CPNE9: variants seen among roughly 807,000 people sequenced by gnomAD.
CPNE9 encodes copine family member 9, also known as copine-9.
Under a neutral mutation model 83.0 loss-of-function variants are expected in CPNE9, and 59 were observed. The ratio of observed to expected loss-of-function variants is 0.71; its 90% CI spans 0.58 to 0.88. The LOEUF is 0.88. CPNE9 is among the 40% of genes least tolerant of loss of function. CPNE9 has a pLI of 0.00. For missense variants in CPNE9, 619 were observed against 720.8 expected (o/e 0.86, Z 1.62); for synonymous variants, 256 against 273.4 (o/e 0.94, Z 0.63).
At chr3:9,719,514 T>C (rs1183571897) in intron 17 of CPNE9, among the ~76,000 whole-genome samples, 1 of 152,192 alleles carries the variant, frequency 6.6e-6, no homozygotes, top group Non-Finnish European at 1.5e-5. Context: ...TCTTTAAGCA[T>C]CCATTTCATC....
At chr3:9,712,193 C>T (rs779634552) in intron 7 of CPNE9, among the ~76,000 whole-genome samples, 6 of 152,172 alleles carry the variant, frequency 3.9e-5, no homozygotes, top group African/African-American at 7.2e-5. Flanking sequence ...CCTGACAAGT[C>T]ATCATGATTC....
chr3:9,718,741 C>T (rs1462038545), intron 17 of CPNE9, 139 bp downstream of exon 17: 5 of 1,024,380 alleles, frequency 4.9e-6, no homozygotes, highest in South Asian at 3.5e-5. Flanking sequence ...TGGCTCATAC[C>T]TGTAATCCCA....
chr3:9,723,690 C>T (rs1203117183), intron 17 of CPNE9, among the ~76,000 whole-genome samples: 2 of 152,012 alleles, frequency 1.3e-5, no homozygotes, highest in South Asian at 2.1e-4. Flanking sequence ...AGTATAGGCA[C>T]GCGCCACCAA....
Position 9,729,666 on chromosome 3 carries a change from C to G in CPNE9, c.1636C>G (p.Pro546Ala). The part of the protein sequence containing the change: ...PRPPPPANPS[P>A]IPAPEQP ...GCCCCCACCCCCTGCCAACCCCAGC[C>G]CGATCCCAGCTCCAGAGCAGCCCTG... is the stretch of plus-strand genomic sequence containing the variant. Residue 546 changes from proline (P) to alanine (A), a missense_variant, in exon 21 of 21, where the codon CCG becomes GCG. Physicochemically the swap from Pro to Ala is conservative, Grantham distance 27 (BLOSUM62 -1). Transcript: ENST00000383832. 1 of 1,613,888 alleles carries G rather than the reference C, an allele frequency of 6.2e-7. No individual in the cohort carries two copies. Among genetic ancestry groups the G allele is most frequent in the Non-Finnish European group, 8.5e-7 (1 of 1,179,810 alleles).
Position 9,704,830 on chromosome 3 carries a change from CG to C in CPNE9, c.156+36del. 2 of 1,600,328 alleles carry C rather than the reference CG, an allele frequency of 1.2e-6. No homozygotes were observed. The highest frequency in any genetic ancestry group is 1.1e-5 in the South Asian group (1 of 90,080). ...AGAGCCCCCTCCCGGCCCAGGGCGT[CG>C]CCCGGGAATTCCCCTGCCCGTCTGC... On this transcript the variant is annotated intron_variant, in intron 3 of 20. Transcript: ENST00000383832. This position sits in a 1 kb window ranked among gnomAD's most constrained non-coding sequence, Gnocchi z 7.1.
At chr3:9,705,413 A>ACCCACAACCCCCCCCCCCCCCCCCCC in intron 4 of CPNE9, 51 bp from the exon 5 acceptor site, 1 of 780,130 alleles carries the variant, frequency 1.3e-6, no homozygotes, top group Non-Finnish European at 2.1e-6. Flanking sequence ...ACCCCTTTCC[A>ACCCACAACCCCCCCCCCCCCCCCCCC]CCCTCTCCCC....
chr3:9,725,459 C>T lies in CPNE9; in HGVS notation c.1242-490C>T, dbSNP rs896208826. ...CTGAGGCAGGAGGATCACCTGAGCC[C>T]GGGAGGTGGAGGTTGCAGTGAGCCG... On this transcript the variant is annotated intron_variant, in intron 17 of 20. Coordinates refer to ENST00000383832, the MANE Select transcript of CPNE9 (RefSeq NM_153635.3). Among the ~76,000 whole-genome samples the T allele has an allele frequency of 2.0e-5, 3 of 151,490 alleles. No homozygotes were observed. The East Asian group carries it at 5.8e-4, about 30-fold the overall frequency.
At chr3:9,718,626 G>A (rs1407448510) in intron 17 of CPNE9, 24 bp downstream of exon 17, 30 of 1,607,284 alleles carry the variant, frequency 1.9e-5, no homozygotes, top group Non-Finnish European at 2.6e-5. Context: ...GTGGAAGCTG[G>A]GGGAAATGAG....
In CPNE9 at chr3:9,717,034, T is replaced by C. The variant is rs1429493135; in HGVS notation, c.885-24T>C. On this transcript the variant is annotated intron_variant, in intron 14 of 20. Coordinates refer to ENST00000383832, the MANE Select transcript of CPNE9 (RefSeq NM_153635.3). ...GTAATAATCATTAGTTCCTCACTTC[T>C]CAATTCATCTGCTTCCCCAACAGGA... 1.9e-6 allele frequency: 3 copies of C among 1,613,312 alleles called. No homozygotes were observed. The South Asian group carries it at 3.3e-5, about 18-fold the overall frequency.
chr3:9,715,620 G>A, intron 13 of CPNE9, 94 bp downstream of exon 13: 1 of 1,056,424 alleles, frequency 9.5e-7, no homozygotes, highest in Non-Finnish European at 1.5e-6. Context: ...GGGCAAGACA[G>A]TGGGCACAGA....
Position 9,712,828 on chromosome 3 carries a change from C to A in CPNE9, c.545C>A (p.Thr182Lys), listed in dbSNP as rs190521882. ...LVFYRSNEDG[T>K]FTICHKTEVV... ...TTCTACAGGAGCAATGAGGATGGCACGTGAGTCACTGCCATCAGGGCTGTT... is the reference window on the plus strand; with the variant it reads ...TTCTACAGGAGCAATGAGGATGGCAAGTGAGTCACTGCCATCAGGGCTGTT... The change falls in exon 9 of 21, where the codon ACG (threonine) becomes AAG (lysine). Residue 182 changes from threonine to lysine, a missense_variant and splice_region_variant. Physicochemically the swap from Thr to Lys is moderately conservative, Grantham distance 78. Transcript: ENST00000383832. 6.2e-7 allele frequency: 1 copy of A among 1,609,714 alleles called. No homozygotes were observed. Among genetic ancestry groups the A allele is most frequent in the Non-Finnish European group, 8.5e-7 (1 of 1,176,216 alleles).
chr3:9,705,919 T>A, intron 6 of CPNE9, 68 bp from the exon 7 acceptor site: 1 of 1,535,004 alleles, frequency 6.5e-7, no homozygotes, highest in African/African-American at 1.4e-5. Flanking sequence ...TGCAGGAGCA[T>A]CACTGGGGCT....
At chr3:9,726,161 T>C in intron 18 of CPNE9, 110 bp downstream of exon 18, 1 of 644,848 alleles carries the variant, frequency 1.6e-6, no homozygotes, top group African/African-American at 1.9e-5. Context: ...GTTTCATGGA[T>C]GCTGGCAGAA....
chr3:9,707,793 A>C (rs76418850), intron 7 of CPNE9, among the ~76,000 whole-genome samples: 1 of 134,306 alleles, frequency 7.4e-6, no homozygotes, highest in African/African-American at 2.6e-5. Flanking sequence ...AAAAAAGACA[A>C]AAAAAAAAAA....
intron 7 of CPNE9, 116 bp downstream of exon 7, chr3:9,706,179 C>G: frequency 2.2e-6 from 2 of 897,684 alleles, no homozygotes; most frequent in Non-Finnish European, 1.7e-6. Context: ...CAGGAGCCTG[C>G]CCCGGCTCCC....
intron 7 of CPNE9, 110 bp downstream of exon 7, chr3:9,706,173 A>C (rs934184608): frequency 2.0e-6 from 2 of 1,014,254 alleles, no homozygotes; most frequent in Admixed American, 2.1e-5. Flanking sequence ...CCTGGTCAGG[A>C]GCCTGCCCCG....
At chr3:9,714,833 A>C (rs1030901133) in intron 10 of CPNE9, 81 bp from the exon 11 acceptor site, 2 of 1,158,320 alleles carry the variant, frequency 1.7e-6, no homozygotes, top group Admixed American at 1.9e-5. Flanking sequence ...TGGGGAGATG[A>C]TATGTGTGTG....
intron 20 of CPNE9, 88 bp from the exon 21 acceptor site, chr3:9,729,419 T>A: frequency 6.7e-7 from 1 of 1,489,250 alleles, no homozygotes; most frequent in Non-Finnish European, 9.0e-7. Flanking sequence ...AAAGAGATGC[T>A]GGGGATCAAA....
intron 7 of CPNE9, among the ~76,000 whole-genome samples, chr3:9,711,043 G>C: frequency 6.6e-6 from 1 of 151,632 alleles, no homozygotes; most frequent in East Asian, 1.9e-4. Context: ...AAAAGTGAGA[G>C]AAGGGAAAAA....
Sources: gnomAD v4.1 joint callset for allele counts (sites outside exome capture counted in the v4.1 genomes callset) on GRCh38, gnomAD v4.1.1 for gene constraint, Gnocchi (gnomAD v3.1) non-coding constraint, MANE v1.5 for transcripts, NCBI Gene and HGNC (gene_info 2026-07-23, HGNC 2026-07-21) for gene names.